TBC1D9: variants seen among roughly 807,000 people sequenced by gnomAD.
The protein encoded by TBC1D9 is TBC1 domain family member 9A.
In TBC1D9, 63 loss-of-function variants were observed where a neutral mutation model predicts 132.0. That is an observed-to-expected ratio of 0.48 (90% CI 0.39 to 0.59). The LOEUF is 0.59. Among genes scored for constraint, TBC1D9 ranks in the 20% least tolerant of loss-of-function variants. TBC1D9 has a pLI of 0.00. For missense variants in TBC1D9, 1,261 were observed against 1,592.7 expected (o/e 0.79, Z 3.54); for synonymous variants, 610 against 609.9 (o/e 1.00, Z 0.00).
At chr4:140,747,590 T>A (rs141295285) in intron 1 of TBC1D9, among the ~76,000 whole-genome samples, 1 of 152,102 alleles carries the variant, frequency 6.6e-6, no homozygotes, top group African/African-American at 2.4e-5. Flanking sequence ...AAGCAACAAG[T>A]TACCATACCT....
intron 18 of TBC1D9, among the ~76,000 whole-genome samples, chr4:140,627,127 T>A (rs1452295863): frequency 6.6e-6 from 1 of 152,162 alleles, no homozygotes; most frequent in Non-Finnish European, 1.5e-5. Flanking sequence ...CTAGTTCCAA[T>A]TCTGGATGGC....
intron 2 of TBC1D9, among the ~76,000 whole-genome samples, chr4:140,690,353 C>T (rs1201248331): frequency 2.0e-5 from 3 of 152,154 alleles, no homozygotes; most frequent in East Asian, 3.9e-4. Context: ...TTCCATAATC[C>T]CCACCATCCA....
intron 1 of TBC1D9, among the ~76,000 whole-genome samples, chr4:140,740,978 A>G (rs1431674811): frequency 6.6e-6 from 1 of 152,158 alleles, no homozygotes; most frequent in Non-Finnish European, 1.5e-5. Flanking sequence ...AACTGAATGG[A>G]CCTCTCCTCT....
chr4:140,679,188 C>A lies in TBC1D9; in HGVS notation c.605G>T (p.Arg202Leu). 6.2e-7 allele frequency: 1 copy of A among 1,613,098 alleles called. No homozygotes were observed. The highest frequency in any genetic ancestry group is 1.1e-5 in the South Asian group (1 of 90,988). The change falls in exon 5 of 21, where the codon CGG (arginine) becomes CTG (leucine). Residue 202 changes from arginine (R) to leucine (L), a missense_variant. Transcript: ENST00000442267. Reference protein sequence around the residue: ...LMGREAKLVIRWVDITQLEKN... With the variant: ...LMGREAKLVILWVDITQLEKN... Reference sequence around the variant, plus strand: ...CTCAAGCTGAGTGATGTCTACCCACCGGATGACCAGTTTCGCTGAGCACAA... The same window carrying A: ...CTCAAGCTGAGTGATGTCTACCCACAGGATGACCAGTTTCGCTGAGCACAA...
At chr4:140,674,027 G>A (rs1737585027) in intron 6 of TBC1D9, among the ~76,000 whole-genome samples, 1 of 152,158 alleles carries the variant, frequency 6.6e-6, no homozygotes, top group African/African-American at 2.4e-5. Flanking sequence ...GTCATAAATA[G>A]CACATTTATG....
At chr4:140,635,578 T>G (rs1444286607) in intron 15 of TBC1D9, among the ~76,000 whole-genome samples, 3 of 152,110 alleles carry the variant, frequency 2.0e-5, no homozygotes, top group African/African-American at 7.2e-5. Context: ...CAATTGTGAG[T>G]ATGTTATATT....
rs184958035 is a variant in TBC1D9, at chr4:140,633,978, T to C, written c.2716A>G (p.Ile906Val). 6.2e-7 allele frequency: 1 copy of C among 1,613,972 alleles called. No individual in the cohort carries two copies. The highest frequency in any genetic ancestry group is 2.2e-5 in the East Asian group (1 of 44,876). The stretch of plus-strand genomic sequence containing the variant: ...CCAGAGACAAACTCCCGGAAGTTAA[T>C]CAAAGAGTCTCCATTTTCATCTAAT... ...QLLDENGDSL[I>V]NFREFVSGLS... is the part of the protein sequence containing the mutation. The change falls in exon 16 of 21, where the codon ATT (isoleucine) becomes GTT (valine). Residue 906 changes from isoleucine to valine, a missense_variant. Physicochemically the swap from Ile to Val is conservative, Grantham distance 29. Coordinates refer to ENST00000442267, the MANE Select transcript of TBC1D9 (RefSeq NM_015130.3).
chr4:140,640,778 G>A (rs1440331542), intron 13 of TBC1D9, among the ~76,000 whole-genome samples: 4 of 152,090 alleles, frequency 2.6e-5, no homozygotes, highest in Non-Finnish European at 4.4e-5. Flanking sequence ...GCTGGTTGGA[G>A]TATCAGTTGC....
In TBC1D9 at chr4:140,622,756, G is replaced by A. The variant is rs1385223743; in HGVS notation, c.3240C>T (p.Ser1080=). ...FVAQPAKEGG[S]GGSGPSCHQG... is the part of the protein sequence containing the mutation. Reference sequence around the variant, plus strand: ...GGTGGCAGGACGGCCCACTGCCTCCGCTCCCGCCCTCCTTTGCAGGCTGGG... The same window carrying A: ...GGTGGCAGGACGGCCCACTGCCTCCACTCCCGCCCTCCTTTGCAGGCTGGG... The change falls in exon 21 of 21, where the codon AGC becomes AGT. Residue 1080 remains serine (S), a synonymous_variant. Coordinates refer to ENST00000442267, the MANE Select transcript of TBC1D9 (RefSeq NM_015130.3). The A allele has an allele frequency of 2.5e-6, 4 of 1,605,678 alleles. No individual in the cohort carries two copies. In the African/African-American group the frequency reaches 5.3e-5, roughly 21 times the overall value.
chr4:140,622,271 C>G lies in TBC1D9; in HGVS notation c.3725G>C (p.Ser1242Thr), dbSNP rs369962064. The G allele has an allele frequency of 2.5e-6, 4 of 1,610,698 alleles. No individual in the cohort carries two copies. Among genetic ancestry groups the G allele is most frequent in the East Asian group, 4.5e-5 (2 of 44,742 alleles). ...GCCCATCATCCGGATGTTTTTTGCA[C>G]TGGTAATCCTGGCCATCATGCACAC... ...KPVCMMARIT[S>T]AKNIRMMGKP... Residue 1242 changes from serine to threonine, a missense_variant, in exon 21 of 21, where the codon AGT becomes ACT. Ser to Thr is a moderately conservative substitution (Grantham distance 58). Transcript: ENST00000442267.
At chr4:140,639,514 G>A in intron 13 of TBC1D9, 86 bp from the exon 14 acceptor site, 1 of 922,082 alleles carries the variant, frequency 1.1e-6, no homozygotes, top group Non-Finnish European at 1.7e-6. Flanking sequence ...ACACACTCTT[G>A]ACACATCAAA....
At chr4:140,695,349 G>A (rs1033111298) in intron 2 of TBC1D9, among the ~76,000 whole-genome samples, 1 of 152,238 alleles carries the variant, frequency 6.6e-6, no homozygotes, top group Non-Finnish European at 1.5e-5. Context: ...GAAACACAAT[G>A]ACCATCTAGG....
intron 17 of TBC1D9, 104 bp downstream of exon 17, chr4:140,628,196 G>A: frequency 1.1e-6 from 1 of 892,508 alleles, no homozygotes; most frequent in Admixed American, 2.0e-5. Flanking sequence ...ACTCATGAAT[G>A]ATGGTGTATA....
At chr4:140,682,875 T>C (rs1358755892) in intron 3 of TBC1D9, among the ~76,000 whole-genome samples, 2 of 152,190 alleles carry the variant, frequency 1.3e-5, no homozygotes, top group Non-Finnish European at 1.5e-5. Context: ...TCTAGAGTGC[T>C]CACTGAATTT....
chr4:140,701,685 T>C (rs1380574737), intron 1 of TBC1D9, 71 bp from the exon 2 acceptor site: 2 of 1,171,414 alleles, frequency 1.7e-6, no homozygotes, highest in East Asian at 4.9e-5. Flanking sequence ...AGGGGCAGCA[T>C]GAACATGCCC....
intron 1 of TBC1D9, among the ~76,000 whole-genome samples, chr4:140,746,381 T>C (rs1231048684): frequency 6.6e-6 from 1 of 152,142 alleles, no homozygotes; most frequent in East Asian, 1.9e-4. Flanking sequence ...TGCATGCAAT[T>C]TTTTGGAGTG....
chr4:140,630,372 G>A (rs1736775924), intron 16 of TBC1D9, among the ~76,000 whole-genome samples: 1 of 152,214 alleles, frequency 6.6e-6, no homozygotes, highest in South Asian at 2.1e-4. Context: ...TTTTGTTAAA[G>A]ATCCATGGTA....
chr4:140,701,257 C>T (rs769861160), intron 2 of TBC1D9, among the ~76,000 whole-genome samples: 5 of 152,100 alleles, frequency 3.3e-5, no homozygotes, highest in Non-Finnish European at 7.4e-5. Context: ...GCCTTGTGTT[C>T]CAGAGAGTGT....
chr4:140,650,420 T>A (rs562410241), intron 13 of TBC1D9, among the ~76,000 whole-genome samples: 1 of 152,262 alleles, frequency 6.6e-6, no homozygotes, highest in Admixed American at 6.5e-5. Flanking sequence ...AGCTGTCTAG[T>A]TCCAGAAGCC....
Sources: allele counts gnomAD v4.1 joint callset (sites outside exome capture counted in the v4.1 genomes callset), GRCh38; gene constraint gnomAD v4.1.1; transcripts MANE v1.5; gene names NCBI Gene and HGNC (gene_info 2026-07-23, HGNC 2026-07-21).